The following IRS1 variants were observed in gnomAD, a reference collection of about 807,000 sequenced individuals.
IRS1 encodes insulin receptor substrate 1.
Under a neutral mutation model 65.6 loss-of-function variants are expected in IRS1, and 34 were observed. That is an observed-to-expected ratio of 0.52 (90% CI 0.39 to 0.69). IRS1 has a LOEUF of 0.69. Ranked by LOEUF, IRS1 falls within the 30% of genes least tolerant of loss-of-function variation. The pLI is 0.00. For missense variants in IRS1, 1,641 were observed against 1,720.2 expected, an observed-to-expected ratio of 0.95 and a Z score of 0.81; for synonymous variants, 699 against 683.5, an observed-to-expected ratio of 1.02 and a Z score of -0.35.
rs953415012 is a variant in IRS1, at chr2:226,780,705, G to A, written c.*21+14284C>T. 2.6e-5 allele frequency among the ~76,000 whole-genome samples: 4 copies of A among 152,072 alleles called. No homozygotes were observed. In the South Asian group the frequency reaches 6.2e-4, roughly 24 times the overall value. ...CAAGATTTAAGATACATAGGAAGTT[G>A]CAATTAATTTTATCCAAGTTTTTAT... On this transcript the variant is annotated intron_variant, in intron 1 of 1. Coordinates refer to ENST00000305123, the MANE Select transcript of IRS1 (RefSeq NM_005544.3).
chr2:226,799,692 G>T lies in IRS1; in HGVS notation c.-954C>A. The stretch of plus-strand genomic sequence containing the variant: ...TCCTCCTCCTCCTCGGAGAGTTGCC[G>T]AGAGCCCCAACCAAAACAAGCGGCG... On this transcript the variant is annotated 5_prime_UTR_variant, in exon 1 of 2. Transcript: ENST00000305123. The surrounding 1 kb of genome is among the most constrained non-coding windows in gnomAD (Gnocchi z 6.1). The T allele has an allele frequency of 1.0e-6, 1 of 1,000,148 alleles. No homozygotes were observed. Among genetic ancestry groups the T allele is most frequent in the Non-Finnish European group, 1.2e-6 (1 of 830,264 alleles). 62.0% of individuals were successfully genotyped at this position (1,000,148 alleles called of 1,614,324 possible).
At chr2:226,789,520 C>T (rs1939549174) in intron 1 of IRS1, among the ~76,000 whole-genome samples, 1 of 152,096 alleles carries the variant, frequency 6.6e-6, no homozygotes, top group Non-Finnish European at 1.5e-5. Flanking sequence ...TCCTATAGTC[C>T]CCAGTTGGCT....
At chr2:226,751,296 T>G (rs1938673695) in intron 1 of IRS1, among the ~76,000 whole-genome samples, 1 of 145,570 alleles carries the variant, frequency 6.9e-6, no homozygotes, top group South Asian at 2.3e-4. Flanking sequence ...TTTTTTTTTT[T>G]TTTTTGAGAC....
intron 1 of IRS1, among the ~76,000 whole-genome samples, chr2:226,768,557 T>C (rs1341889742): frequency 6.6e-6 from 1 of 152,208 alleles, no homozygotes; most frequent in Admixed American, 6.5e-5. Context: ...GTGTGCTAAA[T>C]ATTGTACCAA....
At chr2:226,765,083 C>T (rs576387358) in intron 1 of IRS1, among the ~76,000 whole-genome samples, 12 of 152,280 alleles carry the variant, frequency 7.9e-5, no homozygotes, top group African/African-American at 2.9e-4. Context: ...AATTCCTATT[C>T]TTTTTATAAA....
intron 1 of IRS1, among the ~76,000 whole-genome samples, chr2:226,788,242 C>T (rs1939523089): frequency 6.6e-6 from 1 of 151,964 alleles, no homozygotes; most frequent in South Asian, 2.1e-4. Context: ...GAATGCAATC[C>T]AACTCAGCTT....
chr2:226,750,501 A>AG (rs1033920072), intron 1 of IRS1, among the ~76,000 whole-genome samples: 4 of 152,148 alleles, frequency 2.6e-5, no homozygotes, highest in Non-Finnish European at 5.9e-5. Context: ...TCCACAGGTG[A>AG]GGGGGGTAAA....
chr2:226,766,134 TATATATATATATATATATATA>T lies in IRS1; in HGVS notation c.*21+28834_*21+28854del. Among the ~76,000 whole-genome samples, 6 of 3,626 alleles carry T rather than the reference TATATATATATATATATATATA, an allele frequency of 1.7e-3. 1 individual carries two copies. Among genetic ancestry groups the T allele is most frequent in the Non-Finnish European group, 4.8e-3 (6 of 1,258 alleles). The allele number at this position is 3,626 out of a possible 152,430, so 2.4% of individuals were successfully genotyped here. On this transcript the variant is annotated intron_variant, in intron 1 of 1. Coordinates refer to ENST00000305123, the MANE Select transcript of IRS1 (RefSeq NM_005544.3). The stretch of plus-strand genomic sequence containing the variant: ...CCTCTCTTAATCTTATATATATATA[TATATATATATATATATATATA>T]TATATATATTTTTTTTTTTTTTTTT...
At chr2:226,768,285 A>G (rs1939093972) in intron 1 of IRS1, among the ~76,000 whole-genome samples, 1 of 152,174 alleles carries the variant, frequency 6.6e-6, no homozygotes, top group African/African-American at 2.4e-5. Flanking sequence ...TTCCCTTGGA[A>G]TAATAAAAAC....
At chr2:226,768,357 T>C (rs1249886920) in intron 1 of IRS1, among the ~76,000 whole-genome samples, 1 of 152,226 alleles carries the variant, frequency 6.6e-6, no homozygotes, top group Non-Finnish European at 1.5e-5. Context: ...TTTCCAAAAA[T>C]GTGTCTAGGC....
At position 226,754,655 on chromosome 2, in the gene IRS1, A is replaced by G. The variant is rs190362502; in HGVS notation, c.*22-18405T>C. On this transcript the variant is annotated intron_variant, in intron 1 of 1. Coordinates refer to ENST00000305123, the MANE Select transcript of IRS1 (RefSeq NM_005544.3). ...GGGTGGAAGTACTGTCAAATCTTTC[A>G]TCTAAATAGAGTCCACTGGAATATA... is the stretch of plus-strand genomic sequence containing the variant. Among the ~76,000 whole-genome samples the G allele has an allele frequency of 8.5e-5, 13 of 152,364 alleles. No homozygotes were observed. In the East Asian group the frequency reaches 2.3e-3, roughly 27 times the overall value.
Position 226,798,579 on chromosome 2 carries a change from G to T in IRS1, c.160C>A (p.Arg54=). The change falls in exon 1 of 2, where the codon CGG becomes AGG. Residue 54 remains arginine (R), a synonymous_variant. Transcript: ENST00000305123. The surrounding 1 kb of genome is among the most constrained non-coding windows in gnomAD (Gnocchi z 9.4). ...CGTTTGGGGGCGCTCGACTTGTGCC[G>T]CCACTTCTTCTCGTTCTCGTAGTAC... The part of the protein sequence containing the change: ...LEYYENEKKW[R]HKSSAPKRSI... 1 of 1,613,898 alleles carries T rather than the reference G, an allele frequency of 6.2e-7. No individual in the cohort carries two copies.
At chr2:226,791,639 C>A (rs1481635873) in intron 1 of IRS1, among the ~76,000 whole-genome samples, 1 of 151,940 alleles carries the variant, frequency 6.6e-6, no homozygotes. Context: ...CAGGGACGCC[C>A]GCCCGCCACC....
Position 226,795,091 on chromosome 2 carries a change from GC to G in IRS1, c.3647del (p.Ser1216ThrfsTer11). ...PPHQPLGSGESSSTRRSSEDL... is the reference protein window; with the variant it reads ...PPHQPLGSGEXSSTRRSSEDL... Reference sequence around the variant, plus strand: ...CCTCACTTGAGCGGCGGGTGGAGCTGCTCTCACCGCTGCCCAGGGGTTGATG... The same window carrying G: ...CCTCACTTGAGCGGCGGGTGGAGCTGTCTCACCGCTGCCCAGGGGTTGATG... On this transcript the variant is annotated frameshift_variant, in exon 1 of 2. Transcript: ENST00000305123. LOFTEE classifies it high-confidence loss of function. 6.3e-7 allele frequency: 1 copy of G among 1,597,546 alleles called. No individual in the cohort carries two copies. Among genetic ancestry groups the G allele is most frequent in the South Asian group, 1.1e-5 (1 of 90,514 alleles).
At chr2:226,754,233 A>G (rs1396275484) in intron 1 of IRS1, among the ~76,000 whole-genome samples, 2 of 152,186 alleles carry the variant, frequency 1.3e-5, no homozygotes, top group Non-Finnish European at 2.9e-5. Flanking sequence ...TCAAATCACA[A>G]TAGTATCCTC....
At chr2:226,769,931 C>A (rs1032358729) in intron 1 of IRS1, among the ~76,000 whole-genome samples, 1 of 152,086 alleles carries the variant, frequency 6.6e-6, no homozygotes, top group Non-Finnish European at 1.5e-5. Flanking sequence ...TGTAGCCTCC[C>A]AGTTTCACTG....
Position 226,734,343 on chromosome 2 carries a change from A to T in IRS1, c.*1929T>A, listed in dbSNP as rs1322967210. The T allele has an allele frequency of 1.3e-5, 2 of 152,238 alleles. No homozygotes were observed. Among genetic ancestry groups the T allele is most frequent in the Non-Finnish European group, 2.9e-5 (2 of 68,044 alleles). The allele number at this position is 152,238 out of a possible 1,614,324, so 9.4% of individuals were successfully genotyped here. On this transcript the variant is annotated 3_prime_UTR_variant, in exon 2 of 2. Coordinates refer to ENST00000305123, the MANE Select transcript of IRS1 (RefSeq NM_005544.3). Reference sequence around the variant, plus strand: ...ACTCTAGACCCTATTTATCTTAGAAATTGATGAGCATGCAAATGATTAAAA... The same window carrying T: ...ACTCTAGACCCTATTTATCTTAGAATTTGATGAGCATGCAAATGATTAAAA...
intron 1 of IRS1, among the ~76,000 whole-genome samples, chr2:226,739,539 G>A (rs1421432242): frequency 6.6e-6 from 1 of 152,214 alleles, no homozygotes; most frequent in Admixed American, 6.5e-5. Flanking sequence ...GCCAAATATG[G>A]TGAATAATGG....
rs1938232829 is a variant in IRS1, at chr2:226,732,138, C to A, written c.*4134G>T. On this transcript the variant is annotated 3_prime_UTR_variant, in exon 2 of 2. Transcript: ENST00000305123. ...TTCCTCGAGTAGGGTTAAGCACCTC[C>A]AATATCATTCCACCTCCTCCCTGCC... 6.6e-6 allele frequency: 1 copy of A among 152,130 alleles called. No homozygotes were observed. The highest frequency in any genetic ancestry group is 2.4e-5 in the African/African-American group (1 of 41,414). The allele number at this position is 152,130 out of a possible 1,614,324, so 9.4% of individuals were successfully genotyped here. A position where few individuals can be genotyped will look rare whatever the true frequency, so the allele number is the denominator to read the frequency against.
Sources: allele counts gnomAD v4.1 joint callset (sites outside exome capture counted in the v4.1 genomes callset), GRCh38; gene constraint gnomAD v4.1.1; non-coding constraint Gnocchi (gnomAD v3.1); transcripts MANE v1.5; gene names NCBI Gene and HGNC (gene_info 2026-07-23, HGNC 2026-07-21).